The following CHN1 variants were observed in gnomAD, a reference collection of about 807,000 sequenced individuals.
The protein encoded by CHN1 is N-chimaerin.
A neutral mutation model predicts 59.5 loss-of-function variants in CHN1; 37 were observed. The ratio of observed to expected loss-of-function variants is 0.62; its 90% confidence interval spans 0.48 to 0.82. The LOEUF is 0.82. CHN1 is among the 40% of genes least tolerant of loss of function. The pLI, the probability that CHN1 is intolerant of heterozygous loss-of-function variation, is 0.00. For missense variants in CHN1, 469 were observed against 571.0 expected (o/e 0.82, Z 1.82); for synonymous variants, 206 against 200.4 (o/e 1.03, Z -0.24).
Position 175,005,145 on chromosome 2 carries a change from C to A in CHN1, c.-233G>T. On this transcript the variant is annotated 5_prime_UTR_variant, in exon 1 of 13. Transcript: ENST00000409900. The stretch of plus-strand genomic sequence containing the variant: ...CCGGGCCCAGGGAGCCCCGCTAGCT[C>A]TCCGCGAGCCGGCACTTGTCGCTGC... 1 of 1,292,832 alleles carries A rather than the reference C, an allele frequency of 7.7e-7. No individual in the cohort carries two copies. The highest frequency in any genetic ancestry group is 9.8e-7 in the Non-Finnish European group (1 of 1,018,222). The allele number at this position is 1,292,832 out of a possible 1,614,324, so 80.1% of individuals were successfully genotyped here.
intron 1 of CHN1, among the ~76,000 whole-genome samples, chr2:174,973,200 T>C (rs377298785): frequency 6.6e-6 from 1 of 152,192 alleles, no homozygotes; most frequent in Non-Finnish European, 1.5e-5. Flanking sequence ...TACTGTGCAA[T>C]CTGCATGCCT....
At chr2:174,974,198 C>T (rs1690848548) in intron 1 of CHN1, among the ~76,000 whole-genome samples, 1 of 152,130 alleles carries the variant, frequency 6.6e-6, no homozygotes. Flanking sequence ...CAAATAGAGT[C>T]TTCTTTTAAC....
chr2:174,967,334 C>T (rs1690623228), intron 1 of CHN1, among the ~76,000 whole-genome samples: 1 of 151,920 alleles, frequency 6.6e-6, no homozygotes. Context: ...CTAGCCTGGG[C>T]AACAGAGTGA....
intron 6 of CHN1, among the ~76,000 whole-genome samples, chr2:174,864,750 G>A (rs1687165257): frequency 2.0e-5 from 3 of 152,122 alleles, no homozygotes; most frequent in Non-Finnish European, 4.4e-5. Context: ...TGTAGTACCA[G>A]TACTTCAGAG....
At chr2:174,976,088 T>G (rs1279633699) in intron 1 of CHN1, among the ~76,000 whole-genome samples, 1 of 112,098 alleles carries the variant, frequency 8.9e-6, no homozygotes, top group Non-Finnish European at 1.6e-5. Flanking sequence ...ATCGCGCCAC[T>G]GCTCTGTAGC....
intron 4 of CHN1, among the ~76,000 whole-genome samples, chr2:174,917,250 T>C (rs1019721626): frequency 6.6e-6 from 1 of 152,076 alleles, no homozygotes. Context: ...CTGACCAACA[T>C]GGTGAAACCC....
chr2:174,857,041 C>T (rs906359626), intron 6 of CHN1, among the ~76,000 whole-genome samples: 1 of 152,044 alleles, frequency 6.6e-6, no homozygotes, highest in Admixed American at 6.6e-5. Context: ...TAGTTTATAA[C>T]AAAATATAAT....
chr2:174,810,330 CAG>C (rs1388289968), intron 10 of CHN1, among the ~76,000 whole-genome samples: 10 of 152,166 alleles, frequency 6.6e-5, no homozygotes, highest in African/African-American at 2.4e-4. Flanking sequence ...TGGCCCCCAG[CAG>C]TGTGGCTACA....
intron 6 of CHN1, among the ~76,000 whole-genome samples, chr2:174,872,261 GTGA>G (rs1185157835): frequency 1.3e-5 from 2 of 152,172 alleles, no homozygotes; most frequent in Non-Finnish European, 2.9e-5. Flanking sequence ...TCCTGTCTGG[GTGA>G]TGAAGTGAGA....
intron 11 of CHN1, among the ~76,000 whole-genome samples, chr2:174,802,329 C>T (rs1684751399): frequency 6.6e-6 from 1 of 152,226 alleles, no homozygotes; most frequent in African/African-American, 2.4e-5. Flanking sequence ...TAAACCAAAA[C>T]ATGTACCATC....
intron 8 of CHN1, chr2:174,821,816 C>T (rs1685509580): frequency 2.5e-6 from 1 of 401,994 alleles, no homozygotes; most frequent in Non-Finnish European, 5.0e-6. Flanking sequence ...ACAAATTACC[C>T]AGTCTGTGGT....
At chr2:174,981,803 T>A (rs900985886) in intron 1 of CHN1, among the ~76,000 whole-genome samples, 11 of 152,178 alleles carry the variant, frequency 7.2e-5, no homozygotes, top group East Asian at 3.8e-4. Context: ...GAATTTTTTT[T>A]TTATTATTAT....
At chr2:174,850,362 TG>T (rs749872866) in intron 6 of CHN1, among the ~76,000 whole-genome samples, 10 of 152,170 alleles carry the variant, frequency 6.6e-5, no homozygotes, top group Non-Finnish European at 1.0e-4. Flanking sequence ...CTATTTTTAT[TG>T]GGGGGCAGTG....
Position 174,866,039 on chromosome 2 carries a change from A to T in CHN1, c.549+11801T>A, listed in dbSNP as rs1299639973. On this transcript the variant is annotated intron_variant, in intron 6 of 12. Transcript: ENST00000409900. ...CTTCAAAGTAGATGCCCCATTAAAA[A>T]GTTGGTTATTTTTCTGTGTGTGAGG... 2.0e-5 allele frequency among the ~76,000 whole-genome samples: 3 copies of T among 152,340 alleles called. No homozygotes were observed. The East Asian group carries it at 5.8e-4, about 29-fold the overall frequency.
At position 175,005,263 on chromosome 2, in the gene CHN1, TGGCGGCGGC is replaced by T. The variant is rs749234310; in HGVS notation, c.-360_-352del. The T allele has an allele frequency of 4.8e-6, 5 of 1,032,386 alleles. No homozygotes were observed. Among genetic ancestry groups the T allele is most frequent in the East Asian group, 6.3e-5 (1 of 15,760 alleles). The allele number at this position is 1,032,386 out of a possible 1,614,324, so 64.0% of individuals were successfully genotyped here. A position where few individuals can be genotyped will look rare whatever the true frequency, so the allele number is the denominator to read the frequency against. ...GGCTGGCGGAGAGGCGGCGCCGCAC[TGGCGGCGGC>T]GGCGGCGGCGACGGGGAGAGCAGCA... On this transcript the variant is annotated 5_prime_UTR_variant, in exon 1 of 13. Transcript: ENST00000409900.
At chr2:174,808,850 G>A (rs1684986249) in intron 11 of CHN1, 55 bp downstream of exon 11, 1 of 1,583,208 alleles carries the variant, frequency 6.3e-7, no homozygotes, top group South Asian at 1.1e-5. Flanking sequence ...AACCAGGAAG[G>A]TGATTACCAA....
intron 1 of CHN1, among the ~76,000 whole-genome samples, chr2:174,980,544 C>T (rs746398754): frequency 1.3e-5 from 2 of 152,052 alleles, no homozygotes; most frequent in African/African-American, 2.4e-5. Flanking sequence ...TGGTTAAAAA[C>T]AATTCTTCAA....
intron 5 of CHN1, among the ~76,000 whole-genome samples, chr2:174,909,052 C>T (rs955380504): frequency 1.2e-4 from 19 of 152,182 alleles, no homozygotes; most frequent in African/African-American, 3.9e-4. Context: ...CCTGCCCTCA[C>T]ACAAAACTGT....
At chr2:174,915,759 G>C (rs1398530197) in intron 4 of CHN1, among the ~76,000 whole-genome samples, 1 of 151,986 alleles carries the variant, frequency 6.6e-6, no homozygotes, top group African/African-American at 2.4e-5. Context: ...GAAAAATAGA[G>C]AAAAAATAAA....
Sources: allele counts gnomAD v4.1 joint callset (sites outside exome capture counted in the v4.1 genomes callset), GRCh38; gene constraint gnomAD v4.1.1; transcripts MANE v1.5; gene names NCBI Gene and HGNC (gene_info 2026-07-23, HGNC 2026-07-21).